SLC30A6: variants seen among roughly 807,000 people sequenced by gnomAD.
The protein encoded by SLC30A6 is solute carrier family 30 member 6, also known as zinc transporter 6.
SLC30A6 carries 55 observed loss-of-function variants against 63.0 expected under a neutral mutation model. That is an observed-to-expected ratio of 0.87 (90% CI 0.70 to 1.09). The LOEUF (loss-of-function observed/expected upper bound fraction) is 1.09, where lower values mean the gene tolerates loss of function less well. Ranked by LOEUF, SLC30A6 falls within the 50% of genes least tolerant of loss-of-function variation. The probability of loss-of-function intolerance (pLI) is 0.00; values close to 1 mark genes in which losing one functional copy is unlikely to be tolerated. For missense variants in SLC30A6, 587 were observed against 549.2 expected, an observed-to-expected ratio of 1.07 and a Z score of -0.69; for synonymous variants, 224 against 186.1, an observed-to-expected ratio of 1.20 and a Z score of -1.66.
In SLC30A6 at chr2:32,171,369, G is replaced by T; in HGVS notation, c.86G>T (p.Arg29Leu). 1 of 1,612,782 alleles carries T rather than the reference G, an allele frequency of 6.2e-7. No individual in the cohort carries two copies. Among genetic ancestry groups the T allele is most frequent in the Non-Finnish European group, 8.5e-7 (1 of 1,179,046 alleles). ...LREFRLVAAD[R>L]RSWKILLFGV... ...GAATTTAGACTTGTAGCAGCTGACC[G>T]AAGGGTAAGTTATTCCTTAACCCCA... Residue 29 changes from arginine to leucine, a missense_variant, in exon 2 of 14, where the codon CGA becomes CTA. Physicochemically the swap from Arg to Leu is moderately radical, Grantham distance 102. Coordinates refer to ENST00000282587, the MANE Select transcript of SLC30A6 (RefSeq NM_017964.5).
intron 11 of SLC30A6, among the ~76,000 whole-genome samples, chr2:32,204,971 C>T (rs895285783): frequency 6.6e-6 from 1 of 151,802 alleles, no homozygotes; most frequent in Non-Finnish European, 1.5e-5. Context: ...ACCACCACAC[C>T]CAGCTAATTT....
At chr2:32,217,546 G>T (rs182779574) in intron 13 of SLC30A6, among the ~76,000 whole-genome samples, 1 of 152,088 alleles carries the variant, frequency 6.6e-6, no homozygotes, top group Admixed American at 6.6e-5. Flanking sequence ...GGCTATTTGG[G>T]CTCTTTTTTG....
At chr2:32,172,414 A>C (rs1311521472) in intron 2 of SLC30A6, among the ~76,000 whole-genome samples, 1 of 151,180 alleles carries the variant, frequency 6.6e-6, no homozygotes, top group African/African-American at 2.4e-5. Context: ...GAATCTTGCT[A>C]AATTATCCAG....
intron 3 of SLC30A6, among the ~76,000 whole-genome samples, chr2:32,174,657 G>A (rs900393218): frequency 2.1e-5 from 3 of 144,396 alleles, no homozygotes; most frequent in Non-Finnish European, 3.0e-5. Context: ...TGGTTCAAGC[G>A]ATTCTCCTGC....
intron 13 of SLC30A6, among the ~76,000 whole-genome samples, chr2:32,218,183 G>A (rs1685868092): frequency 6.6e-6 from 1 of 152,160 alleles, no homozygotes; most frequent in Non-Finnish European, 1.5e-5. Flanking sequence ...CACTTTGGGA[G>A]GCTGAGGCAG....
intron 10 of SLC30A6, among the ~76,000 whole-genome samples, chr2:32,200,055 T>TTA (rs1265150167): frequency 2.0e-5 from 3 of 151,176 alleles, no homozygotes; most frequent in Middle Eastern, 3.4e-3. Flanking sequence ...GTGGAGGAGG[T>TTA]TATATATATA....
At chr2:32,180,238 C>CA (rs904348644) in intron 4 of SLC30A6, among the ~76,000 whole-genome samples, 22 of 152,068 alleles carry the variant, frequency 1.4e-4, no homozygotes, top group African/African-American at 5.1e-4. Flanking sequence ...CTCTTCTCTA[C>CA]AAAAAATTTT....
At chr2:32,220,048 A>G (rs1333630226) in intron 13 of SLC30A6, among the ~76,000 whole-genome samples, 165 bp from the exon 14 acceptor site, 6 of 152,202 alleles carry the variant, frequency 3.9e-5, no homozygotes, top group African/African-American at 7.2e-5. Flanking sequence ...ACTCATTACA[A>G]TGATAATCAC....
chr2:32,212,172 G>A (rs1685308438), intron 13 of SLC30A6, among the ~76,000 whole-genome samples: 1 of 151,492 alleles, frequency 6.6e-6, no homozygotes, highest in Non-Finnish European at 1.5e-5. Flanking sequence ...CCTTATGTTT[G>A]TGTTTGTTCT....
intron 4 of SLC30A6, among the ~76,000 whole-genome samples, chr2:32,183,560 T>C (rs212742): frequency 0.73 from 110,247 of 151,340 alleles, 40,523 homozygotes; most frequent in African/African-American, 0.79. Flanking sequence ...TGGTGGTGCA[T>C]GCCTGTAATT....
At chr2:32,199,659 T>C (rs1684095974) in intron 10 of SLC30A6, among the ~76,000 whole-genome samples, 1 of 152,210 alleles carries the variant, frequency 6.6e-6, no homozygotes, top group South Asian at 2.1e-4. Context: ...ATTCTAACTA[T>C]ATTTTTATAT....
In SLC30A6 at chr2:32,221,649, G is replaced by C. The variant is rs1179787973; in HGVS notation, c.*936G>C. ...GCAAAAATTTTTAGCAGAAATTTTG[G>C]AATACATTCTATCTAGCACAATTTG... On this transcript the variant is annotated 3_prime_UTR_variant, in exon 14 of 14. Transcript: ENST00000282587. The C allele has an allele frequency of 6.6e-6, 1 of 152,064 alleles. No individual in the cohort carries two copies. Among genetic ancestry groups the C allele is most frequent in the Non-Finnish European group, 1.5e-5 (1 of 67,992 alleles). 9.4% of individuals were successfully genotyped at this position (152,064 alleles called of 1,614,324 possible).
intron 8 of SLC30A6, 107 bp downstream of exon 8, chr2:32,194,090 G>T: frequency 1.2e-6 from 1 of 841,532 alleles, no homozygotes; most frequent in Non-Finnish European, 1.8e-6. Context: ...ATATTCTGAA[G>T]ACAAGAGAGA....
At chr2:32,202,168 G>C (rs1684346935) in intron 10 of SLC30A6, 2 of 770,042 alleles carry the variant, frequency 2.6e-6, no homozygotes, top group Admixed American at 2.5e-5. Context: ...GCTTCTGAAA[G>C]GTTGAGGGGT....
chr2:32,192,772 G>A, intron 6 of SLC30A6, 146 bp from the exon 7 acceptor site: 1 of 510,174 alleles, frequency 2.0e-6, no homozygotes, highest in Non-Finnish European at 3.4e-6. Context: ...TAATTTATGA[G>A]TCTCCTTGCC....
intron 5 of SLC30A6, among the ~76,000 whole-genome samples, chr2:32,186,896 C>G (rs147930568): frequency 6.2e-4 from 90 of 145,692 alleles, no homozygotes; most frequent in African/African-American, 2.0e-3. Context: ...ACTCATGAGA[C>G]TGAATTGGGA....
chr2:32,206,618 T>C (rs1397483588), intron 11 of SLC30A6, among the ~76,000 whole-genome samples: 1 of 152,188 alleles, frequency 6.6e-6, no homozygotes, highest in Non-Finnish European at 1.5e-5. Flanking sequence ...TTTGTAACCA[T>C]TTCCCAAAGA....
chr2:32,178,830 T>C (rs1162848846), intron 4 of SLC30A6, among the ~76,000 whole-genome samples: 1 of 152,230 alleles, frequency 6.6e-6, no homozygotes, highest in Non-Finnish European at 1.5e-5. Context: ...GTTTTGAAAT[T>C]GGAAAGTGTG....
chr2:32,197,914 T>A, intron 10 of SLC30A6, 88 bp downstream of exon 10: 2 of 1,502,940 alleles, frequency 1.3e-6, no homozygotes, highest in Non-Finnish European at 1.8e-6. Flanking sequence ...TGGTCAAGCT[T>A]CTAGCAGTTT....
Sources: allele counts gnomAD v4.1 joint callset (sites outside exome capture counted in the v4.1 genomes callset), GRCh38; gene constraint gnomAD v4.1.1; transcripts MANE v1.5; gene names NCBI Gene and HGNC (gene_info 2026-07-23, HGNC 2026-07-21).